The following FBXO45 variants were observed in gnomAD, a reference collection of about 807,000 sequenced individuals.
FBXO45 encodes the protein F-box/SPRY domain-containing protein 1.
FBXO45 carries 3 observed loss-of-function variants against 25.5 expected under a neutral mutation model. That is an observed-to-expected ratio of 0.12 (90% CI 0.05 to 0.30). The LOEUF (loss-of-function observed/expected upper bound fraction) is 0.30, where lower values mean the gene tolerates loss of function less well. Among genes scored for constraint, FBXO45 ranks in the 10% least tolerant of loss-of-function variants. The probability of loss-of-function intolerance (pLI) is 1.00; values close to 1 mark genes in which losing one functional copy is unlikely to be tolerated. For synonymous variants in FBXO45, 155 were observed against 149.8 expected (o/e 1.03, Z -0.25); for missense variants, 219 against 365.0 (o/e 0.60, Z 3.26).
rs149978775 is a variant in FBXO45, at chr3:196,585,752, A to G, written c.*1434A>G. 1.2e-4 allele frequency: 19 copies of G among 152,360 alleles called. No individual in the cohort carries two copies. The highest frequency in any genetic ancestry group is 4.6e-4 in the African/African-American group (19 of 41,594). 9.4% of individuals were successfully genotyped at this position (152,360 alleles called of 1,614,324 possible). ...AGACATCTTTCTGTATGAAAGTATAAATTGTATGGTTTTAGATACATAAGA... is the reference window on the plus strand; with the variant it reads ...AGACATCTTTCTGTATGAAAGTATAGATTGTATGGTTTTAGATACATAAGA... On this transcript the variant is annotated 3_prime_UTR_variant, in exon 3 of 3. Transcript: ENST00000311630.
chr3:196,575,015 GT>G (rs1735889133), intron 1 of FBXO45, among the ~76,000 whole-genome samples: 1 of 152,182 alleles, frequency 6.6e-6, no homozygotes, highest in Non-Finnish European at 1.5e-5. Context: ...TAAAGGTGCT[GT>G]TTTAGAAAGA....
Position 196,585,226 on chromosome 3 carries a change from TA to T in FBXO45, c.*909del, listed in dbSNP as rs1458341165. 4 of 152,204 alleles carry T rather than the reference TA, an allele frequency of 2.6e-5. No individual in the cohort carries two copies. Among genetic ancestry groups the T allele is most frequent in the African/African-American group, 9.7e-5 (4 of 41,450 alleles). The allele number at this position is 152,204 out of a possible 1,614,324, so 9.4% of individuals were successfully genotyped here. On this transcript the variant is annotated 3_prime_UTR_variant, in exon 3 of 3. Transcript: ENST00000311630. ...CATAATAGTAATGTGTATCTTTTGG[TA>T]TCCAGTTTTATTTTTGGCCTTCTAA...
intron 1 of FBXO45, among the ~76,000 whole-genome samples, chr3:196,571,051 A>G (rs1253190815): frequency 6.6e-6 from 1 of 152,120 alleles, no homozygotes; most frequent in Non-Finnish European, 1.5e-5. Context: ...ATAATTTACT[A>G]GGACTGTTTG....
chr3:196,576,115 A>C (rs1248598434), intron 1 of FBXO45, among the ~76,000 whole-genome samples: 1 of 152,202 alleles, frequency 6.6e-6, no homozygotes, highest in African/African-American at 2.4e-5. Context: ...CTCTGTTTTT[A>C]AATCTGCGCT....
rs779052997 is a variant in FBXO45 at position 196,569,317 on chromosome 3, G to A, written c.318+15G>A. ...ACAAGGCCAAGGTGAGAGAGCCCCG[G>A]GCCACACCGCTGCCCCCAGTCCCGC... On this transcript the variant is annotated intron_variant, in intron 1 of 2. Coordinates refer to ENST00000311630, the MANE Select transcript of FBXO45 (RefSeq NM_001105573.2). The surrounding 1 kb of genome is among the most constrained non-coding windows in gnomAD (Gnocchi z 4.1). 1.3e-6 allele frequency: 2 copies of A among 1,512,020 alleles called. No homozygotes were observed. Among genetic ancestry groups the A allele is most frequent in the African/African-American group, 2.8e-5 (2 of 72,526 alleles). The allele number at this position is 1,512,020 out of a possible 1,614,324, so 93.7% of individuals were successfully genotyped here.
chr3:196,578,046 C>CTTTTTTTTTTGTG (rs1553874565), intron 2 of FBXO45, among the ~76,000 whole-genome samples: 1 of 94,100 alleles, frequency 1.1e-5, no homozygotes. Flanking sequence ...GAAAAATATT[C>CTTTTTTTTTTGTG]TTTTTTTTTT....
At position 196,588,844 on chromosome 3, in the gene FBXO45, C is replaced by G. The variant is rs1472280032; in HGVS notation, c.*4526C>G. The G allele has an allele frequency of 6.6e-6, 1 of 152,102 alleles. No homozygotes were observed. The highest frequency in any genetic ancestry group is 2.4e-5 in the African/African-American group (1 of 41,410). 9.4% of individuals were successfully genotyped at this position (152,102 alleles called of 1,614,324 possible). On this transcript the variant is annotated 3_prime_UTR_variant, in exon 3 of 3. Transcript: ENST00000311630. The surrounding 1 kb of genome is among the most constrained non-coding windows in gnomAD (Gnocchi z 4.2). ...CAAAAGATGAATGAGAAATTCTGTT[C>G]TAGTCCCAGTGAAGCAGGAAGGAAA...
At chr3:196,575,151 T>C (rs565146243) in intron 1 of FBXO45, among the ~76,000 whole-genome samples, 15 of 152,210 alleles carry the variant, frequency 9.9e-5, no homozygotes, top group African/African-American at 3.4e-4. Context: ...TAGGAAGATG[T>C]CATAGAAGTT....
At chr3:196,573,737 T>G (rs981887597) in intron 1 of FBXO45, among the ~76,000 whole-genome samples, 84 of 152,064 alleles carry the variant, frequency 5.5e-4, no homozygotes, top group Non-Finnish European at 2.2e-4. Flanking sequence ...AGTTGTTTTT[T>G]TTTTAAGTTC....
At position 196,588,524 on chromosome 3, in the gene FBXO45, C is replaced by T. The variant is rs143027608; in HGVS notation, c.*4206C>T. On this transcript the variant is annotated 3_prime_UTR_variant, in exon 3 of 3. Coordinates refer to ENST00000311630, the MANE Select transcript of FBXO45 (RefSeq NM_001105573.2). The surrounding 1 kb of genome is among the most constrained non-coding windows in gnomAD (Gnocchi z 4.2). ...CCAAATGCTGTCCTCAAAAACATTC[C>T]TCAGTTTCTCTAGCTGAATGTAATC... is the stretch of plus-strand genomic sequence containing the variant. The T allele has an allele frequency of 5.9e-5, 9 of 152,326 alleles. No homozygotes were observed. The highest frequency in any genetic ancestry group is 2.1e-4 in the South Asian group (1 of 4,830). 9.4% of individuals were successfully genotyped at this position (152,326 alleles called of 1,614,324 possible).
Position 196,588,511 on chromosome 3 carries a change from C to G in FBXO45, c.*4193C>G, listed in dbSNP as rs1048634497. The G allele has an allele frequency of 6.6e-6, 1 of 152,220 alleles. No individual in the cohort carries two copies. Among genetic ancestry groups the G allele is most frequent in the African/African-American group, 2.4e-5 (1 of 41,466 alleles). 9.4% of individuals were successfully genotyped at this position (152,220 alleles called of 1,614,324 possible). A position where few individuals can be genotyped will look rare whatever the true frequency, so the allele number is the denominator to read the frequency against. The stretch of plus-strand genomic sequence containing the variant: ...GCCCACACCCAGCCCAAATGCTGTC[C>G]TCAAAAACATTCCTCAGTTTCTCTA... On this transcript the variant is annotated 3_prime_UTR_variant, in exon 3 of 3. Transcript: ENST00000311630. The surrounding 1 kb of genome is among the most constrained non-coding windows in gnomAD (Gnocchi z 4.2).
chr3:196,571,311 C>T (rs919257088), intron 1 of FBXO45, among the ~76,000 whole-genome samples: 7 of 152,162 alleles, frequency 4.6e-5, no homozygotes, highest in Non-Finnish European at 2.9e-5. Flanking sequence ...ACTGCATCCT[C>T]GACCTCCTGA....
intron 1 of FBXO45, among the ~76,000 whole-genome samples, chr3:196,577,072 T>C (rs1222624427): frequency 6.6e-6 from 1 of 152,204 alleles, no homozygotes; most frequent in South Asian, 2.1e-4. Context: ...CATGTTTCTA[T>C]TGCACACTCT....
intron 1 of FBXO45, 76 bp from the exon 2 acceptor site, chr3:196,577,377 C>T (rs1735933155): frequency 2.8e-6 from 3 of 1,088,422 alleles, no homozygotes; most frequent in South Asian, 1.9e-5. Flanking sequence ...AAACATACAG[C>T]GTGAAGTTTG....
chr3:196,575,090 A>C (rs1224166857), intron 1 of FBXO45, among the ~76,000 whole-genome samples: 1 of 152,202 alleles, frequency 6.6e-6, no homozygotes. Flanking sequence ...GTTGGGGCAG[A>C]GGAAGGGTGG....
In FBXO45 at chr3:196,577,254, CGGTT is replaced by C. The variant is rs1185387930; in HGVS notation, c.319-196_319-193del. Among the ~76,000 whole-genome samples, 3 of 140,080 alleles carry C rather than the reference CGGTT, an allele frequency of 2.1e-5. No homozygotes were observed. The East Asian group carries it at 8.7e-4, about 41-fold the overall frequency. 91.9% of individuals were successfully genotyped at this position (140,080 alleles called of 152,430 possible). A position where few individuals can be genotyped will look rare whatever the true frequency, so the allele number is the denominator to read the frequency against. ...TTTAAAATTTTGGTCAGTGATGAAACGGTTGGCATTTATTTTTTAATGTTATTTA... is the reference window on the plus strand; with the variant it reads ...TTTAAAATTTTGGTCAGTGATGAAACGGCATTTATTTTTTAATGTTATTTA... On this transcript the variant is annotated intron_variant, in intron 1 of 2. Coordinates refer to ENST00000311630, the MANE Select transcript of FBXO45 (RefSeq NM_001105573.2).
At chr3:196,578,823 G>C (rs190348982) in intron 2 of FBXO45, among the ~76,000 whole-genome samples, 3 of 152,004 alleles carry the variant, frequency 2.0e-5, no homozygotes, top group East Asian at 3.9e-4. Context: ...AAGCTGATTA[G>C]CTATCTTTAG....
At chr3:196,583,988 C>T (rs1407735190) in intron 2 of FBXO45, 145 bp from the exon 3 acceptor site, 2 of 745,810 alleles carry the variant, frequency 2.7e-6, no homozygotes, top group East Asian at 2.8e-5. Flanking sequence ...GATGTTTCTT[C>T]CTGACTAGAA....
At chr3:196,570,264 CCT>C (rs1735781999) in intron 1 of FBXO45, among the ~76,000 whole-genome samples, 1 of 97,974 alleles carries the variant, frequency 1.0e-5, no homozygotes, top group South Asian at 4.1e-4. Context: ...AACATCCCCC[CCT>C]TTTTTTTTTT....
Sources: gnomAD v4.1 joint callset for allele counts (sites outside exome capture counted in the v4.1 genomes callset) on GRCh38, gnomAD v4.1.1 for gene constraint, Gnocchi (gnomAD v3.1) non-coding constraint, MANE v1.5 for transcripts, NCBI Gene and HGNC (gene_info 2026-07-23, HGNC 2026-07-21) for gene names.